Variants in RIC8B observed in about 807,000 individuals in gnomAD.
RIC8B encodes the protein RIC8 guanine nucleotide exchange factor B, also known as chaperone Ric-8B.
Under a neutral mutation model 57.5 loss-of-function variants are expected in RIC8B, and 16 were observed. The ratio of observed to expected loss-of-function variants is 0.28; its 90% CI spans 0.19 to 0.42. RIC8B has a LOEUF of 0.42. Ranked by LOEUF, RIC8B falls within the 10% of genes least tolerant of loss-of-function variation. The probability of loss-of-function intolerance (pLI) is 1.00; values close to 1 mark genes in which losing one functional copy is unlikely to be tolerated. For missense variants in RIC8B, 481 were observed against 677.0 expected, an observed-to-expected ratio of 0.71 and a Z score of 3.21; for synonymous variants, 216 against 250.8, an observed-to-expected ratio of 0.86 and a Z score of 1.31.
At chr12:106,815,420 C>G in intron 3 of RIC8B, 116 bp downstream of exon 3, 1 of 1,062,210 alleles carries the variant, frequency 9.4e-7, no homozygotes. Flanking sequence ...CCCACTTCTC[C>G]CATTAAGCAA....
chr12:106,817,077 G>C (rs2045606497), intron 3 of RIC8B, among the ~76,000 whole-genome samples: 3 of 152,120 alleles, frequency 2.0e-5, no homozygotes, highest in African/African-American at 7.2e-5. Context: ...AGTTAGATAA[G>C]AATGTCTTCA....
At chr12:106,855,849 G>A (rs865951963) in intron 7 of RIC8B, among the ~76,000 whole-genome samples, 5 of 151,918 alleles carry the variant, frequency 3.3e-5, no homozygotes, top group Admixed American at 1.3e-4. Context: ...TTCTGAACCC[G>A]GTCATATTTA....
At chr12:106,855,046 A>G (rs1449033864) in intron 7 of RIC8B, among the ~76,000 whole-genome samples, 1 of 152,184 alleles carries the variant, frequency 6.6e-6, no homozygotes, top group African/African-American at 2.4e-5. Context: ...TGTTTAATTA[A>G]AAGAAGATGA....
intron 4 of RIC8B, among the ~76,000 whole-genome samples, chr12:106,827,830 CAA>C (rs971829188): frequency 2.6e-5 from 4 of 151,936 alleles, no homozygotes; most frequent in African/African-American, 9.6e-5. Context: ...CTTATAAGCC[CAA>C]GAGTAAATTG....
chr12:106,876,683 C>T (rs1038713814), intron 9 of RIC8B, among the ~76,000 whole-genome samples: 2 of 152,108 alleles, frequency 1.3e-5, no homozygotes, highest in Admixed American at 6.6e-5. Flanking sequence ...TTCTTTAGAT[C>T]TGTAGTGGGA....
chr12:106,822,245 C>T (rs1055150077), intron 3 of RIC8B: 1 of 151,986 alleles, frequency 6.6e-6, no homozygotes, highest in African/African-American at 2.4e-5. Flanking sequence ...ACTACACATC[C>T]GTGAGAATGA....
chr12:106,870,412 AT>A (rs1252441127), intron 8 of RIC8B, among the ~76,000 whole-genome samples: 2 of 151,712 alleles, frequency 1.3e-5, no homozygotes, highest in South Asian at 2.1e-4. Context: ...CATTTTTCCA[AT>A]TTTTTTTGAT....
chr12:106,821,842 C>G (rs1016116411), intron 3 of RIC8B, among the ~76,000 whole-genome samples: 4 of 151,440 alleles, frequency 2.6e-5, no homozygotes, highest in African/African-American at 9.7e-5. Context: ...ACTTTGGGAG[C>G]CTGAGGCAGG....
chr12:106,814,969 C>G lies in RIC8B; in HGVS notation c.406C>G (p.Leu136Val), dbSNP rs755476417. 15 of 1,614,082 alleles carry G rather than the reference C, an allele frequency of 9.3e-6. No individual in the cohort carries two copies. In the Admixed American group the frequency reaches 2.5e-4, roughly 27 times the overall value. ...CAGTCAGATGGCACAGCAGCTCAGC[C>G]TGGAACTTAATCTTGCTGCAAAGCT... ...FNSQMAQQLS[L>V]ELNLAAKLCN... The change falls in exon 3 of 10, where the codon CTG (leucine) becomes GTG (valine). Residue 136 changes from leucine to valine, a missense_variant. Coordinates refer to ENST00000392837, the MANE Select transcript of RIC8B (RefSeq NM_001330145.2).
chr12:106,856,161 C>T (rs1250806009), intron 7 of RIC8B, among the ~76,000 whole-genome samples: 1 of 152,070 alleles, frequency 6.6e-6, no homozygotes, highest in African/African-American at 2.4e-5. Context: ...TAGTGCAGAC[C>T]CTTAAAATTA....
At chr12:106,820,906 T>C (rs150852431) in intron 3 of RIC8B, among the ~76,000 whole-genome samples, 150 of 152,356 alleles carry the variant, frequency 9.8e-4, no homozygotes, top group Admixed American at 2.7e-3. Flanking sequence ...CGATTTTCAC[T>C]ATCACAACCA....
chr12:106,851,529 C>T lies in RIC8B; in HGVS notation c.1241C>T (p.Thr414Ile), dbSNP rs760644786. 3.1e-6 allele frequency: 5 copies of T among 1,613,506 alleles called. No homozygotes were observed. Among genetic ancestry groups the T allele is most frequent in the Non-Finnish European group, 4.2e-6 (5 of 1,179,854 alleles). ...AGAAATAAGCTGGTGCGCCTCATGACACATGTTGACCTTGGAGTCAAGCAA... is the reference window on the plus strand; with the variant it reads ...AGAAATAAGCTGGTGCGCCTCATGATACATGTTGACCTTGGAGTCAAGCAA... ...TVRNKLVRLM[T>I]HVDLGVKQIA... The change falls in exon 7 of 10, where the codon ACA becomes ATA. Residue 414 changes from threonine to isoleucine, a missense_variant. Transcript: ENST00000392837.
chr12:106,838,503 A>T (rs2046717463), intron 4 of RIC8B, among the ~76,000 whole-genome samples: 1 of 149,880 alleles, frequency 6.7e-6, no homozygotes. Flanking sequence ...ACACTACTGC[A>T]TTCTAACCTA....
At chr12:106,872,771 G>A (rs942918427) in intron 9 of RIC8B, among the ~76,000 whole-genome samples, 6 of 151,766 alleles carry the variant, frequency 4.0e-5, no homozygotes, top group African/African-American at 1.5e-4. Context: ...TGTTAGGACA[G>A]TAAACCAGTT....
At chr12:106,779,558 T>G (rs890150067) in intron 1 of RIC8B, among the ~76,000 whole-genome samples, 5 of 151,802 alleles carry the variant, frequency 3.3e-5, no homozygotes, top group Non-Finnish European at 7.4e-5. Context: ...ATCTCTAGAT[T>G]ACTTATAATA....
rs1566168041 is a variant in RIC8B, at chr12:106,870,899, T to G, written c.1528T>G (p.Tyr510Asp). Residue 510 changes from tyrosine (Y) to aspartate (D), a missense_variant, in exon 9 of 10, where the codon TAT becomes GAT. Tyr to Asp is a radical substitution (Grantham distance 160). Transcript: ENST00000392837. The stretch of plus-strand genomic sequence containing the variant: ...TGAAATGACAGAAGAACAAAAAGAA[T>G]ATGAAGCCATGAAACTTGTCAACAT... ...IDEMTEEQKE[Y>D]EAMKLVNMLD... The G allele has an allele frequency of 6.5e-7, 1 of 1,549,248 alleles. No homozygotes were observed. The highest frequency in any genetic ancestry group is 2.4e-5 in the East Asian group (1 of 40,870).
At chr12:106,782,088 G>T (rs1486500116) in intron 1 of RIC8B, among the ~76,000 whole-genome samples, 2 of 151,734 alleles carry the variant, frequency 1.3e-5, no homozygotes, top group African/African-American at 4.8e-5. Flanking sequence ...CCAACAATGA[G>T]TCTTCTTTTT....
At chr12:106,810,289 G>GT (rs911362481) in intron 2 of RIC8B, among the ~76,000 whole-genome samples, 3 of 140,650 alleles carry the variant, frequency 2.1e-5, no homozygotes, top group Admixed American at 7.3e-5. Flanking sequence ...CATACAGCTG[G>GT]TAAAAAAAAA....
chr12:106,788,378 A>G (rs1424255982), intron 2 of RIC8B, among the ~76,000 whole-genome samples: 2 of 152,020 alleles, frequency 1.3e-5, no homozygotes, highest in African/African-American at 2.4e-5. Flanking sequence ...TGGGGTTTGG[A>G]GGATGGTGGC....
Sources: allele counts gnomAD v4.1 joint callset (sites outside exome capture counted in the v4.1 genomes callset), GRCh38; gene constraint gnomAD v4.1.1; transcripts MANE v1.5; gene names NCBI Gene and HGNC (gene_info 2026-07-23, HGNC 2026-07-21).